LAMA3: variants seen among roughly 807,000 people sequenced by gnomAD.
LAMA3 encodes laminin subunit alpha-3.
In LAMA3, 281 loss-of-function variants were observed where a neutral mutation model predicts 402.0. The observed-to-expected ratio is 0.70, with a 90% confidence interval of 0.63 to 0.77. LAMA3 has a LOEUF of 0.77. Among genes scored for constraint, LAMA3 ranks in the 30% least tolerant of loss-of-function variants. The pLI is 0.00. For missense variants in LAMA3, 3,840 were observed against 4,215.5 expected, an observed-to-expected ratio of 0.91 and a Z score of 2.47; for synonymous variants, 1,431 against 1,558.4, an observed-to-expected ratio of 0.92 and a Z score of 1.93.
At chr18:23,750,383 C>G (rs544900390) in intron 4 of LAMA3, among the ~76,000 whole-genome samples, 4 of 137,028 alleles carry the variant, frequency 2.9e-5, no homozygotes, top group Non-Finnish European at 6.1e-5. Context: ...ATGGTTGACA[C>G]TTGGGCTTCA....
chr18:23,899,715 T>G (rs1161559086), intron 47 of LAMA3: 1 of 390,252 alleles, frequency 2.6e-6, no homozygotes, highest in African/African-American at 2.1e-5. Flanking sequence ...TGCCTCTTTT[T>G]CCTTCTTAAC....
intron 2 of LAMA3, among the ~76,000 whole-genome samples, chr18:23,745,704 A>G (rs945092625): frequency 1.3e-5 from 2 of 152,214 alleles, no homozygotes; most frequent in African/African-American, 2.4e-5. Flanking sequence ...TCTAAATGAG[A>G]GAATGTTTGT....
At chr18:23,867,964 A>C in intron 37 of LAMA3, 47 bp downstream of exon 37, 1 of 1,378,312 alleles carries the variant, frequency 7.3e-7, no homozygotes, top group Non-Finnish European at 1.0e-6. Flanking sequence ...TTTGTGACTT[A>C]ATTATTTCAG....
At chr18:23,893,536 T>C (rs564074733) in intron 42 of LAMA3, among the ~76,000 whole-genome samples, 2 of 152,188 alleles carry the variant, frequency 1.3e-5, no homozygotes, top group South Asian at 2.1e-4. Context: ...TGAGCTGACA[T>C]CGCACCACTG....
At chr18:23,778,517 T>G (rs906719288) in intron 11 of LAMA3, among the ~76,000 whole-genome samples, 1 of 152,202 alleles carries the variant, frequency 6.6e-6, no homozygotes, top group Non-Finnish European at 1.5e-5. Flanking sequence ...GTGAGAAGAT[T>G]CCAGGCCTCT....
At chr18:23,739,683 G>A (rs994570588) in intron 2 of LAMA3, among the ~76,000 whole-genome samples, 7 of 152,186 alleles carry the variant, frequency 4.6e-5, no homozygotes, top group Admixed American at 3.3e-4. Flanking sequence ...TGGCCAAGAG[G>A]AGGAAACTGG....
intron 72 of LAMA3, 105 bp from the exon 73 acceptor site, chr18:23,951,579 G>A: frequency 1.3e-6 from 1 of 794,396 alleles, no homozygotes; most frequent in Non-Finnish European, 2.2e-6. Flanking sequence ...TATCTAATGT[G>A]CCCTTAAGCT....
intron 1 of LAMA3, among the ~76,000 whole-genome samples, chr18:23,701,819 G>A (rs1162616317): frequency 6.6e-6 from 1 of 152,248 alleles, no homozygotes; most frequent in Non-Finnish European, 1.5e-5. Context: ...CAGTCTGGGA[G>A]AAGCGTGTTC....
intron 1 of LAMA3, among the ~76,000 whole-genome samples, chr18:23,707,215 G>T (rs532092042): frequency 6.6e-6 from 1 of 152,350 alleles, no homozygotes; most frequent in African/African-American, 2.4e-5. Flanking sequence ...GGCTAGGATG[G>T]ACTGGATGGC....
intron 8 of LAMA3, among the ~76,000 whole-genome samples, chr18:23,772,815 A>G (rs1749681130): frequency 6.6e-6 from 1 of 152,208 alleles, no homozygotes; most frequent in Admixed American, 6.5e-5. Flanking sequence ...AGTTAGAGCA[A>G]AAGAGGCAGA....
rs140590091 is a variant in LAMA3, at chr18:23,689,881, C to G, written c.198C>G (p.Cys66Trp). 3.9e-6 allele frequency: 6 copies of G among 1,543,510 alleles called. No individual in the cohort carries two copies. The South Asian group carries it at 6.0e-5, about 16-fold the overall frequency. Reference sequence around the variant, plus strand: ...CGAGGATTTGGGCCACCGCCACCTGCGGGGAGAGGGGACCCGGCGAGGGGA... The same window carrying G: ...CGAGGATTTGGGCCACCGCCACCTGGGGGGAGAGGGGACCCGGCGAGGGGA... Reference protein sequence around the residue: ...EAARIWATATCGERGPGEGRP... With the variant: ...EAARIWATATWGERGPGEGRP... The change falls in exon 1 of 75, where the codon TGC becomes TGG. Residue 66 changes from cysteine (C) to tryptophan (W), a missense_variant. By Grantham distance (215) the Cys-to-Trp change is radical. Around this residue, in one of 3 missense-constraint regions of LAMA3, gnomAD observed 2,109 missense variants for 2,376.0 expected, o/e 0.89. Coordinates refer to ENST00000313654, the MANE Select transcript of LAMA3 (RefSeq NM_198129.4).
chr18:23,803,089 C>T (rs929363641), intron 12 of LAMA3, among the ~76,000 whole-genome samples: 6 of 152,156 alleles, frequency 3.9e-5, no homozygotes, highest in African/African-American at 9.7e-5. Flanking sequence ...GATACTATGA[C>T]AGTAAATAAA....
In LAMA3 at chr18:23,879,014, G is replaced by A. The variant is rs149891481; in HGVS notation, c.5112+2607G>A. 1.0e-3 allele frequency among the ~76,000 whole-genome samples: 138 copies of A among 134,898 alleles called. No homozygotes were observed. Among genetic ancestry groups the A allele is most frequent in the African/African-American group, 3.4e-3 (120 of 34,898 alleles). The allele number at this position is 134,898 out of a possible 152,430, so 88.5% of individuals were successfully genotyped here. On this transcript the variant is annotated intron_variant, in intron 39 of 74. Transcript: ENST00000313654. This position sits in a 1 kb window ranked among gnomAD's most constrained non-coding sequence, Gnocchi z 4.2. ...ATTCCCCTTCCTCTCTACTATCCCCGTCACCCCTTATTTTCCTCTCCGTTC... is the reference window on the plus strand; with the variant it reads ...ATTCCCCTTCCTCTCTACTATCCCCATCACCCCTTATTTTCCTCTCCGTTC...
chr18:23,709,352 C>G (rs1286867513), intron 1 of LAMA3, among the ~76,000 whole-genome samples: 1 of 152,034 alleles, frequency 6.6e-6, no homozygotes, highest in East Asian at 1.9e-4. Context: ...GGATTACAGG[C>G]GTGAGCCACT....
rs1348713944 is a variant in LAMA3, at chr18:23,904,080, C to T, written c.6466C>T (p.Leu2156=). 1.9e-6 allele frequency: 3 copies of T among 1,613,570 alleles called. No homozygotes were observed. Among genetic ancestry groups the T allele is most frequent in the Non-Finnish European group, 2.5e-6 (3 of 1,180,006 alleles). ...GTCCTTACAAGAGCTGGCAAAGCAGCTGGAAGAGTGAGTGCATGGCCCAGG... is the reference window on the plus strand; with the variant it reads ...GTCCTTACAAGAGCTGGCAAAGCAGTTGGAAGAGTGAGTGCATGGCCCAGG... The part of the protein sequence containing the change: ...ARSLQELAKQ[L]EEIKRNASGD... The change falls in exon 50 of 75, where the codon CTG becomes TTG. Residue 2156 remains leucine, a synonymous_variant. Coordinates refer to ENST00000313654, the MANE Select transcript of LAMA3 (RefSeq NM_198129.4).
At chr18:23,908,290 G>T (rs1377747557) in intron 54 of LAMA3, among the ~76,000 whole-genome samples, 1 of 152,008 alleles carries the variant, frequency 6.6e-6, no homozygotes, top group Admixed American at 6.6e-5. Context: ...CAGCACTTTG[G>T]GAGGCCGAGG....
intron 68 of LAMA3, among the ~76,000 whole-genome samples, chr18:23,943,005 C>T (rs78808400): frequency 0.016 from 2,433 of 152,228 alleles, 64 homozygotes; most frequent in African/African-American, 0.056. Flanking sequence ...TCTGTGCTTC[C>T]GTGTCTTTGG....
At chr18:23,714,531 A>C (rs1250604948) in intron 2 of LAMA3, among the ~76,000 whole-genome samples, 19 of 152,194 alleles carry the variant, frequency 1.2e-4, no homozygotes, top group Non-Finnish European at 1.5e-5. Flanking sequence ...AAACGAAAAC[A>C]AAAACAAAGC....
chr18:23,790,551 C>A (rs1309165805), intron 12 of LAMA3, among the ~76,000 whole-genome samples: 1 of 152,128 alleles, frequency 6.6e-6, no homozygotes, highest in African/African-American at 2.4e-5. Context: ...AGTAGTTTGC[C>A]ACTTTTCTTT....
Sources: allele counts gnomAD v4.1 joint callset (sites outside exome capture counted in the v4.1 genomes callset), GRCh38; gene constraint gnomAD v4.1.1; regional missense constraint gnomAD v4.1.1; non-coding constraint Gnocchi (gnomAD v3.1); transcripts MANE v1.5; gene names NCBI Gene and HGNC (gene_info 2026-07-23, HGNC 2026-07-21).